NPHP3: variants seen among roughly 807,000 people sequenced by gnomAD.
The protein encoded by NPHP3 is nephrocystin 3, also known as nephrocystin-3.
In NPHP3, 123 loss-of-function variants were observed where a neutral mutation model predicts 171.9. The observed-to-expected ratio is 0.72, with a 90% CI of 0.62 to 0.83. The LOEUF is 0.83. Ranked by LOEUF, NPHP3 falls within the 40% of genes least tolerant of loss-of-function variation. The pLI, the probability that NPHP3 is intolerant of heterozygous loss-of-function variation, is 0.00. For synonymous variants in NPHP3, 558 were observed against 579.2 expected, an observed-to-expected ratio of 0.96 and a Z score of 0.52; for missense variants, 1,506 against 1,591.9, an observed-to-expected ratio of 0.95 and a Z score of 0.92.
At chr3:132,713,785 C>T (rs1939975964) in intron 5 of NPHP3, among the ~76,000 whole-genome samples, 1 of 152,132 alleles carries the variant, frequency 6.6e-6, no homozygotes, top group Non-Finnish European at 1.5e-5. Context: ...CAGTAATGCC[C>T]TCAAAATGTC....
intron 1 of NPHP3, 69 bp from the exon 2 acceptor site, chr3:132,719,899 T>A: frequency 1.6e-6 from 1 of 625,742 alleles, no homozygotes; most frequent in Non-Finnish European, 2.2e-6. Flanking sequence ...TTCTTATATA[T>A]ATACATATAT....
At chr3:132,684,294 C>T (rs531630455) in intron 24 of NPHP3, among the ~76,000 whole-genome samples, 1 of 152,114 alleles carries the variant, frequency 6.6e-6, no homozygotes, top group African/African-American at 2.4e-5. Context: ...TGCATTTGTA[C>T]TTGGAATGTA....
chr3:132,706,163 T>G (rs866887237), intron 7 of NPHP3, among the ~76,000 whole-genome samples: 3 of 151,506 alleles, frequency 2.0e-5, no homozygotes, highest in Non-Finnish European at 3.0e-5. Context: ...ATCAAGACCA[T>G]CCTGGCTAAC....
At chr3:132,701,883 G>A (rs565727052) in intron 9 of NPHP3, among the ~76,000 whole-genome samples, 9 of 152,196 alleles carry the variant, frequency 5.9e-5, no homozygotes, top group East Asian at 1.9e-4. Flanking sequence ...AAAATTAGCC[G>A]AGCGTGGTGG....
At chr3:132,698,403 G>T (rs557116783) in intron 13 of NPHP3, among the ~76,000 whole-genome samples, 132 of 151,754 alleles carry the variant, frequency 8.7e-4, no homozygotes, top group Middle Eastern at 6.9e-3. Context: ...TTAGCCTCCC[G>T]AGTAGATGGG....
chr3:132,716,612 C>T, intron 4 of NPHP3, 145 bp downstream of exon 4: 2 of 872,870 alleles, frequency 2.3e-6, no homozygotes, highest in Non-Finnish European at 3.7e-6. Context: ...TAGTTACAGC[C>T]CCACTGTATG....
intron 15 of NPHP3, among the ~76,000 whole-genome samples, chr3:132,695,801 G>A (rs1345328366): frequency 2.0e-5 from 3 of 152,292 alleles, no homozygotes; most frequent in Non-Finnish European, 4.4e-5. Flanking sequence ...AGGCATGGTG[G>A]TGTGCTCTTG....
chr3:132,716,961 A>G (rs751376822), intron 3 of NPHP3, 52 bp from the exon 4 acceptor site: 1 of 1,565,818 alleles, frequency 6.4e-7, no homozygotes, highest in Non-Finnish European at 8.8e-7. Flanking sequence ...TGAATGTTCA[A>G]AAACTCATCA....
At chr3:132,721,782 CA>C (rs764043912) in intron 1 of NPHP3, 180 bp downstream of exon 1, 5 of 860,266 alleles carry the variant, frequency 5.8e-6, no homozygotes, top group East Asian at 2.6e-5. Flanking sequence ...ACCCTGTCTC[CA>C]AAAAAAGAGA....
Position 132,690,590 on chromosome 3 carries a change from T to C in NPHP3, c.2631A>G (p.Gly877=), listed in dbSNP as rs1397417408. 1.1e-5 allele frequency: 17 copies of C among 1,613,576 alleles called. No homozygotes were observed. The highest frequency in any genetic ancestry group is 1.4e-5 in the Non-Finnish European group (17 of 1,179,532). ...DELPWLFQQQ[G]SKQKLHDCLL... The stretch of plus-strand genomic sequence containing the variant: ...GGCAATCATGCAGCTTCTGTTTACT[T>C]CCCTGCTGCTGAAAAAGCCACGGGA... Residue 877 remains glycine, a synonymous_variant, in exon 19 of 27, where the codon GGA becomes GGG. Transcript: ENST00000337331.
intron 10 of NPHP3, among the ~76,000 whole-genome samples, 157 bp from the exon 11 acceptor site, chr3:132,700,605 C>A (rs1318954580): frequency 6.6e-6 from 1 of 152,120 alleles, no homozygotes; most frequent in African/African-American, 2.4e-5. Flanking sequence ...GTTTTTACTC[C>A]ACTTTTAGAT....
At chr3:132,686,559 A>G (rs1200365237) in intron 22 of NPHP3, among the ~76,000 whole-genome samples, 172 bp from the exon 23 acceptor site, 1 of 152,244 alleles carries the variant, frequency 6.6e-6, no homozygotes, top group African/African-American at 2.4e-5. Flanking sequence ...AAATATTTCC[A>G]CATGGCAACA....
intron 19 of NPHP3, 32 bp from the exon 20 acceptor site, chr3:132,689,295 A>G (rs1415902341): frequency 6.2e-6 from 10 of 1,604,402 alleles, no homozygotes; most frequent in Non-Finnish European, 8.5e-6. Context: ...CTTTAATGAA[A>G]AACACACTTT....
intron 6 of NPHP3, among the ~76,000 whole-genome samples, chr3:132,711,128 T>C (rs2107993936): frequency 6.6e-6 from 1 of 152,334 alleles, no homozygotes; most frequent in East Asian, 1.9e-4. Flanking sequence ...GAGGCTTTTC[T>C]AGATTCATCT....
intron 23 of NPHP3, chr3:132,685,485 GATTT>G (rs1471620081): frequency 7.2e-5 from 11 of 152,096 alleles, no homozygotes; most frequent in Non-Finnish European, 1.5e-4. Flanking sequence ...GTGGGCTACA[GATTT>G]ATTATACTTT....
intron 9 of NPHP3, among the ~76,000 whole-genome samples, chr3:132,703,154 G>A (rs79328618): frequency 0.062 from 9,411 of 152,318 alleles, 397 homozygotes; most frequent in Middle Eastern, 0.092. Flanking sequence ...AAGTACCTAT[G>A]AGGTAGGTAC....
rs759900777 is a variant in NPHP3 at position 132,687,263 on chromosome 3, C to T, written c.3126-37G>A. 3 of 939,868 alleles carry T rather than the reference C, an allele frequency of 3.2e-6. No homozygotes were observed. The South Asian group carries it at 4.0e-5, about 12-fold the overall frequency. 58.2% of individuals were successfully genotyped at this position (939,868 alleles called of 1,614,324 possible). A position where few individuals can be genotyped will look rare whatever the true frequency, so the allele number is the denominator to read the frequency against. On this transcript the variant is annotated intron_variant, in intron 21 of 26. Transcript: ENST00000337331. ...ATTACAGTAAGTCAAACAAAAGAAA[C>T]ATATTCAAAGTATACTTCAGTGAAA...
intron 25 of NPHP3, among the ~76,000 whole-genome samples, chr3:132,683,193 G>A (rs1939075249): frequency 6.6e-6 from 1 of 152,170 alleles, no homozygotes; most frequent in Non-Finnish European, 1.5e-5. Context: ...CTAAGCCTAT[G>A]CTCTGAACTA....
chr3:132,708,316 T>C, intron 6 of NPHP3, 59 bp from the exon 7 acceptor site: 1 of 1,525,482 alleles, frequency 6.6e-7, no homozygotes, highest in Admixed American at 1.7e-5. Context: ...AGCAGTTAGT[T>C]AATCAACCTA....
Sources: gnomAD v4.1 joint callset for allele counts (sites outside exome capture counted in the v4.1 genomes callset) on GRCh38, gnomAD v4.1.1 for gene constraint, MANE v1.5 for transcripts, NCBI Gene and HGNC (gene_info 2026-07-23, HGNC 2026-07-21) for gene names.